The following TNRC18 variants were observed in gnomAD, a reference collection of about 807,000 sequenced individuals.
TNRC18 encodes trinucleotide repeat-containing gene 18 protein.
A neutral mutation model predicts 226.7 loss-of-function variants in TNRC18; 69 were observed. The observed-to-expected ratio is 0.30, with a 90% CI of 0.25 to 0.37. The LOEUF (loss-of-function observed/expected upper bound fraction) is 0.37, where lower values mean the gene tolerates loss of function less well. Ranked by LOEUF, TNRC18 falls within the 10% of genes least tolerant of loss-of-function variation. TNRC18 has a pLI of 1.00. For missense variants in TNRC18, 4,754 were observed against 4,256.6 expected, an observed-to-expected ratio of 1.12 and a Z score of -3.25; for synonymous variants, 2,449 against 1,927.6, an observed-to-expected ratio of 1.27 and a Z score of -7.09.
Position 5,387,679 on chromosome 7 carries a change from G to A in TNRC18, c.2145C>T (p.Asn715=), listed in dbSNP as rs747105883. 14 of 1,603,858 alleles carry A rather than the reference G, an allele frequency of 8.7e-6. No individual in the cohort carries two copies. The Admixed American group carries it at 1.0e-4, about 11-fold the overall frequency. ...GCTCTGCCCAGGACCTACCTTTGAC[G>A]TTACTCAGCGACAGAGAGCGCTCCT... ...VDQERSLSLS[N]VKGHGRADED... is the part of the protein sequence containing the mutation. The change falls in exon 5 of 30, where the codon AAC becomes AAT. Residue 715 remains asparagine (N), a synonymous_variant. Coordinates refer to ENST00000430969, the MANE Select transcript of TNRC18 (RefSeq NM_001080495.3).
At chr7:5,385,988 A>AG (rs1157985656) in intron 5 of TNRC18, among the ~76,000 whole-genome samples, 41 of 147,880 alleles carry the variant, frequency 2.8e-4, no homozygotes, top group African/African-American at 9.5e-4. Flanking sequence ...GTCTCAAAAA[A>AG]AAAAAAAAAA....
At chr7:5,390,350 C>A (rs763327511) in intron 4 of TNRC18, 135 bp downstream of exon 4, 8 of 950,292 alleles carry the variant, frequency 8.4e-6, no homozygotes, top group Non-Finnish European at 1.2e-5. Context: ...CATAGTGAGA[C>A]CCTGTCTCAA....
chr7:5,356,821 A>T (rs1364668474), intron 16 of TNRC18, 95 bp downstream of exon 16: 133 of 1,342,690 alleles, frequency 9.9e-5, no homozygotes, highest in South Asian at 3.3e-4. Flanking sequence ...CGAGAGAGAG[A>T]GTGAGGGGCG....
intron 19 of TNRC18, among the ~76,000 whole-genome samples, chr7:5,327,382 TG>T (rs1562497229): frequency 9.4e-6 from 1 of 106,638 alleles, no homozygotes; most frequent in African/African-American, 3.3e-5. Context: ...CGTGTGTGTG[TG>T]TGTGTGTGTG....
At chr7:5,325,373 C>A (rs549666729) in intron 19 of TNRC18, 125 bp from the exon 20 acceptor site, 5 of 999,640 alleles carry the variant, frequency 5.0e-6, no homozygotes, top group Non-Finnish European at 7.1e-6. Context: ...CCAGGAGGAA[C>A]AAAACACCCC....
At chr7:5,373,993 G>T in intron 10 of TNRC18, 62 bp downstream of exon 10, 1 of 1,290,480 alleles carries the variant, frequency 7.7e-7, no homozygotes, top group Non-Finnish European at 1.0e-6. Flanking sequence ...TGAAAAGATG[G>T]ATGAGCAGTT....
intron 11 of TNRC18, among the ~76,000 whole-genome samples, chr7:5,364,560 T>C (rs1793426889): frequency 6.7e-6 from 1 of 148,288 alleles, no homozygotes; most frequent in African/African-American, 2.5e-5. Flanking sequence ...TCCCAGCACT[T>C]TGGGAGGCCG....
chr7:5,422,092 G>T (rs1404990689), intron 1 of TNRC18, among the ~76,000 whole-genome samples: 1 of 152,054 alleles, frequency 6.6e-6, no homozygotes, highest in Non-Finnish European at 1.5e-5. Flanking sequence ...GAGGCTCGTG[G>T]TCCCCCCCCT....
intron 21 of TNRC18, among the ~76,000 whole-genome samples, chr7:5,323,627 G>T (rs977963538): frequency 4.1e-5 from 6 of 147,764 alleles, no homozygotes; most frequent in African/African-American, 1.5e-4. Flanking sequence ...CAATGCAATG[G>T]CATGATCTTG....
At position 5,361,971 on chromosome 7, in the gene TNRC18, C is replaced by G; in HGVS notation, c.4458G>C (p.Arg1486=). 6.2e-7 allele frequency: 1 copy of G among 1,613,202 alleles called. No homozygotes were observed. Among genetic ancestry groups the G allele is most frequent in the Non-Finnish European group, 8.5e-7 (1 of 1,179,652 alleles). ...TGTACTGGCGCTGCACCTCGGCCAGCCGCATCCGGAAGTCCAGCTCCAGGG... is the reference window on the plus strand; with the variant it reads ...TGTACTGGCGCTGCACCTCGGCCAGGCGCATCCGGAAGTCCAGCTCCAGGG... ...MDALELDFRM[R]LAEVQRQYKE... Residue 1486 remains arginine (R), a synonymous_variant, in exon 13 of 30, where the codon CGG becomes CGC. Transcript: ENST00000430969.
chr7:5,310,815 T>A (rs948938481), intron 27 of TNRC18, among the ~76,000 whole-genome samples: 1 of 152,230 alleles, frequency 6.6e-6, no homozygotes, highest in Admixed American at 6.5e-5. Flanking sequence ...CGTTGGGGGC[T>A]CCCTGCCAGC....
At chr7:5,345,517 G>GGGGGGGGGGGGCCCCCCCCCCCCC in intron 18 of TNRC18, 45 bp downstream of exon 18, 5 of 377,740 alleles carry the variant, frequency 1.3e-5, no homozygotes, top group Middle Eastern at 1.5e-3. Flanking sequence ...AATGGCGTCC[G>GGGGGGGGGGGGCCCCCCCCCCCCC]CCCCTCCCAC....
Position 5,397,132 on chromosome 7 carries a change from C to T in TNRC18, c.188-2537G>A, listed in dbSNP as rs550539000. 3.3e-5 allele frequency among the ~76,000 whole-genome samples: 5 copies of T among 152,046 alleles called. No homozygotes were observed. The South Asian group carries it at 1.0e-3, about 32-fold the overall frequency. On this transcript the variant is annotated intron_variant, in intron 2 of 29. Coordinates refer to ENST00000430969, the MANE Select transcript of TNRC18 (RefSeq NM_001080495.3). ...GCCCAGCCCCCTCACCGGACTCCAG[C>T]GCCAAGCCCTCGGGCCCCGGGGCCT...
Position 5,377,670 on chromosome 7 carries a change from G to A in TNRC18, c.2256-94C>T. On this transcript the variant is annotated intron_variant, in intron 6 of 29. Coordinates refer to ENST00000430969, the MANE Select transcript of TNRC18 (RefSeq NM_001080495.3). The surrounding 1 kb of genome is among the most constrained non-coding windows in gnomAD (Gnocchi z 5.8). ...TGCCCCAAGGAACTGTTTGCCACCA[G>A]GCCATGAGTCAGGACAACCACTGCT... The A allele has an allele frequency of 7.4e-7, 1 of 1,344,482 alleles. No individual in the cohort carries two copies. Among genetic ancestry groups the A allele is most frequent in the South Asian group, 1.4e-5 (1 of 72,342 alleles). 83.3% of individuals were successfully genotyped at this position (1,344,482 alleles called of 1,614,324 possible).
rs570327327 is a variant in TNRC18, at chr7:5,356,435, G to T, written c.5194+481C>A. On this transcript the variant is annotated intron_variant, in intron 16 of 29. Coordinates refer to ENST00000430969, the MANE Select transcript of TNRC18 (RefSeq NM_001080495.3). ...TGGGCGCTCCATAAACACTGCTTCCGCCAACACTTCGCGACAAAGCCGTGG... is the reference window on the plus strand; with the variant it reads ...TGGGCGCTCCATAAACACTGCTTCCTCCAACACTTCGCGACAAAGCCGTGG... Among the ~76,000 whole-genome samples the T allele has an allele frequency of 1.2e-4, 19 of 152,286 alleles. No individual in the cohort carries two copies. In the South Asian group the frequency reaches 3.7e-3, roughly 30 times the overall value.
chr7:5,320,664 C>T, intron 22 of TNRC18, 57 bp from the exon 23 acceptor site: 3 of 1,476,768 alleles, frequency 2.0e-6, no homozygotes, highest in African/African-American at 1.4e-5. Context: ...CAGAGGGCCT[C>T]AATCCCACCA....
Position 5,376,938 on chromosome 7 carries a change from C to A in TNRC18, c.2517G>T (p.Leu839=), listed in dbSNP as rs1215765192. The A allele has an allele frequency of 9.4e-6, 15 of 1,597,448 alleles. No individual in the cohort carries two copies. Among genetic ancestry groups the A allele is most frequent in the Middle Eastern group, 1.7e-4 (1 of 6,058 alleles). ...QGMAPAFPPG[L]GGSLPSAYQF... The stretch of plus-strand genomic sequence containing the variant: ...GGTAGGCTGACGGGAGGGAGCCCCC[C>A]AGGCCAGGTGGGAACGCAGGGGCCA... Residue 839 remains leucine (L), a synonymous_variant, in exon 8 of 30, where the codon CTG becomes CTT. Coordinates refer to ENST00000430969, the MANE Select transcript of TNRC18 (RefSeq NM_001080495.3).
At chr7:5,308,837 T>TGCCCC in intron 29 of TNRC18, 38 bp downstream of exon 29, 1 of 834,154 alleles carries the variant, frequency 1.2e-6, no homozygotes. Context: ...GAAGCAGCCA[T>TGCCCC]CCCCAACCCG....
chr7:5,423,460 G>A lies in TNRC18; in HGVS notation c.-263C>T, dbSNP rs1455842159. 6.6e-6 allele frequency: 1 copy of A among 152,108 alleles called. No individual in the cohort carries two copies. The highest frequency in any genetic ancestry group is 1.5e-5 in the Non-Finnish European group (1 of 68,000). The allele number at this position is 152,108 out of a possible 1,614,324, so 9.4% of individuals were successfully genotyped here. ...GCGTACCTGGCGCGGCTGGGTTCAC[G>A]GCTCCAGGCTCCGGCGACAACGACT... On this transcript the variant is annotated 5_prime_UTR_variant, in exon 1 of 30. Coordinates refer to ENST00000430969, the MANE Select transcript of TNRC18 (RefSeq NM_001080495.3).
Sources: gnomAD v4.1 joint callset for allele counts (sites outside exome capture counted in the v4.1 genomes callset) on GRCh38, gnomAD v4.1.1 for gene constraint, Gnocchi (gnomAD v3.1) non-coding constraint, MANE v1.5 for transcripts, NCBI Gene and HGNC (gene_info 2026-07-23, HGNC 2026-07-21) for gene names.